NSMCE4A: variants seen among roughly 807,000 people sequenced by gnomAD.
NSMCE4A encodes the protein NSE4A component of SMC5/6 complex, also known as non-structural maintenance of chromosomes element 4 homolog A.
In NSMCE4A, 40 loss-of-function variants were observed where a neutral mutation model predicts 47.9. That is an observed-to-expected ratio of 0.83 (90% CI 0.65 to 1.09). The LOEUF is 1.09. Ranked by LOEUF, NSMCE4A falls within the 50% of genes least tolerant of loss-of-function variation. NSMCE4A has a pLI of 0.00. For synonymous variants in NSMCE4A, 166 were observed against 178.5 expected (o/e 0.93, Z 0.56); for missense variants, 500 against 507.0 (o/e 0.99, Z 0.13).
In NSMCE4A at chr10:121,971,054, T is replaced by G; in HGVS notation, c.386A>C (p.Glu129Ala). 1 of 1,612,786 alleles carries G rather than the reference T, an allele frequency of 6.2e-7. No homozygotes were observed. ...AAGAAAGTGGGCATCCAGGACTGCT[T>G]CTCTTGCTCGGGACACTATTCAAAA... ...TLFNEVSRAR[E>A]AVLDAHFLVL... is the part of the protein sequence containing the mutation. Residue 129 changes from glutamate (E) to alanine (A), a missense_variant, in exon 3 of 11, where the codon GAA becomes GCA. Glu to Ala is a moderately radical substitution (Grantham distance 107). Transcript: ENST00000369023.
intron 2 of NSMCE4A, among the ~76,000 whole-genome samples, chr10:121,973,316 G>A (rs1952753281): frequency 6.6e-6 from 1 of 152,004 alleles, no homozygotes; most frequent in African/African-American, 2.4e-5. Context: ...GGGCTGGAGG[G>A]GACAGTGGTC....
In NSMCE4A at chr10:121,960,500, C is replaced by G; in HGVS notation, c.940-94G>C. The G allele has an allele frequency of 1.2e-6, 1 of 821,580 alleles. No homozygotes were observed. The highest frequency in any genetic ancestry group is 1.9e-6 in the Non-Finnish European group (1 of 537,454). 50.9% of individuals were successfully genotyped at this position (821,580 alleles called of 1,614,324 possible). On this transcript the variant is annotated intron_variant, in intron 7 of 10. Coordinates refer to ENST00000369023, the MANE Select transcript of NSMCE4A (RefSeq NM_017615.3). The surrounding 1 kb of genome is among the most constrained non-coding windows in gnomAD (Gnocchi z 4.2). ...AAAAATTACTCAGAAAATTCAGTAT[C>G]TCAGAAAATCAAATTACACCATAGC... is the stretch of plus-strand genomic sequence containing the variant.
chr10:121,966,654 G>A (rs1409515613), intron 4 of NSMCE4A: 2 of 152,090 alleles, frequency 1.3e-5, no homozygotes, highest in Non-Finnish European at 2.9e-5. Context: ...CAATCTCAAT[G>A]GTTTTTAGAA....
intron 4 of NSMCE4A, among the ~76,000 whole-genome samples, chr10:121,965,600 C>G (rs1038204420): frequency 6.6e-6 from 1 of 152,208 alleles, no homozygotes; most frequent in Non-Finnish European, 1.5e-5. Flanking sequence ...CTTTACTCAA[C>G]CACAGATACC....
chr10:121,961,027 A>C (rs1323289053), intron 7 of NSMCE4A, among the ~76,000 whole-genome samples: 1 of 148,660 alleles, frequency 6.7e-6, no homozygotes, highest in Non-Finnish European at 1.5e-5. Context: ...CACTCTACAT[A>C]TTATTATTTA....
At chr10:121,965,125 C>T (rs903546809) in intron 5 of NSMCE4A, among the ~76,000 whole-genome samples, 161 bp downstream of exon 5, 14 of 152,118 alleles carry the variant, frequency 9.2e-5, no homozygotes, top group African/African-American at 3.4e-4. Context: ...AGCAGCCAAT[C>T]CAATAAAATG....
intron 2 of NSMCE4A, 38 bp from the exon 3 acceptor site, chr10:121,971,107 T>C (rs1564998761): frequency 6.3e-7 from 1 of 1,583,610 alleles, no homozygotes; most frequent in Admixed American, 1.7e-5. Flanking sequence ...CATTACAAAA[T>C]ACACATTATC....
At chr10:121,962,124 AAAAT>A (rs1386516199) in intron 6 of NSMCE4A, 3 of 390,726 alleles carry the variant, frequency 7.7e-6, no homozygotes, top group East Asian at 9.3e-5. Context: ...AAAAAAAAAA[AAAAT>A]AGGAACTTGG....
chr10:121,963,379 G>A (rs1415375535), intron 5 of NSMCE4A, 51 bp from the exon 6 acceptor site: 10 of 1,061,556 alleles, frequency 9.4e-6, no homozygotes, highest in Middle Eastern at 2.0e-4. Flanking sequence ...GCCTATTAAC[G>A]TTTTCTTCTC....
intron 1 of NSMCE4A, 52 bp from the exon 2 acceptor site, chr10:121,974,133 G>T: frequency 6.8e-7 from 1 of 1,480,218 alleles, no homozygotes; most frequent in Non-Finnish European, 9.3e-7. Context: ...TCACTAATAA[G>T]CAGTTGACAA....
At position 121,975,035 on chromosome 10, in the gene NSMCE4A, C is replaced by G. The variant is rs1952791695; in HGVS notation, c.131G>C (p.Arg44Pro). ...GCGCTCTGGGGCCTCTCTGCGCTCC[C>G]GCGCAGAGCCGCGGCGGGACCTGGG... ...LSPRSRRGSARERREAPERPS... is the reference protein window; with the variant it reads ...LSPRSRRGSAPERREAPERPS... The change falls in exon 1 of 11, where the codon CGG becomes CCG. Residue 44 changes from arginine to proline, a missense_variant. Transcript: ENST00000369023. 1.4e-6 allele frequency: 2 copies of G among 1,477,258 alleles called. No homozygotes were observed. Among genetic ancestry groups the G allele is most frequent in the Admixed American group, 2.5e-5 (1 of 39,292 alleles). 91.5% of individuals were successfully genotyped at this position (1,477,258 alleles called of 1,614,324 possible). A position where few individuals can be genotyped will look rare whatever the true frequency, so the allele number is the denominator to read the frequency against.
intron 6 of NSMCE4A, among the ~76,000 whole-genome samples, chr10:121,962,415 T>G (rs2134742528): frequency 6.9e-6 from 1 of 144,468 alleles, no homozygotes; most frequent in Non-Finnish European, 1.5e-5. Context: ...CGAGACTCTG[T>G]CTCAAAAAAA....
At chr10:121,968,069 T>G (rs748139809) in intron 3 of NSMCE4A, among the ~76,000 whole-genome samples, 1 of 152,224 alleles carries the variant, frequency 6.6e-6, no homozygotes, top group Non-Finnish European at 1.5e-5. Flanking sequence ...AGACCAGTGG[T>G]TCTCAACCTG....
chr10:121,963,597 ATT>A (rs34978817), intron 5 of NSMCE4A, among the ~76,000 whole-genome samples: 72 of 148,522 alleles, frequency 4.8e-4, no homozygotes, highest in Middle Eastern at 3.4e-3. Flanking sequence ...CACCTGGCTA[ATT>A]TTTTTTTTTT....
At chr10:121,963,765 A>G (rs1952548005) in intron 5 of NSMCE4A, among the ~76,000 whole-genome samples, 1 of 152,134 alleles carries the variant, frequency 6.6e-6, no homozygotes, top group South Asian at 2.1e-4. Flanking sequence ...CTGTACTCCC[A>G]GCTACTCAGG....
Position 121,959,489 on chromosome 10 carries a change from G to GC in NSMCE4A, c.1083+11dup. On this transcript the variant is annotated intron_variant, in intron 9 of 10. Transcript: ENST00000369023. The stretch of plus-strand genomic sequence containing the variant: ...AGTCAGAACTATGCAGGGGCAACAG[G>GC]CAGAGCTTTACCTCCCAGTCACGGT... The GC allele has an allele frequency of 6.2e-7, 1 of 1,612,860 alleles. No individual in the cohort carries two copies. The highest frequency in any genetic ancestry group is 8.5e-7 in the Non-Finnish European group (1 of 1,178,866).
At chr10:121,967,875 C>A (rs182239410) in intron 3 of NSMCE4A, 69 bp from the exon 4 acceptor site, 32 of 1,514,162 alleles carry the variant, frequency 2.1e-5, no homozygotes, top group Non-Finnish European at 2.8e-5. Context: ...TCCAATAATC[C>A]GCATCACTCA....
chr10:121,960,108 T>C lies in NSMCE4A; in HGVS notation c.988+250A>G. On this transcript the variant is annotated intron_variant, in intron 8 of 10. Coordinates refer to ENST00000369023, the MANE Select transcript of NSMCE4A (RefSeq NM_017615.3). This position sits in a 1 kb window ranked among gnomAD's most constrained non-coding sequence, Gnocchi z 4.2. ...GACTGCAATCACCAACTTTCTAAAT[T>C]AAGATCTGAGGGAAATTATATCATT... The C allele has an allele frequency of 2.9e-6, 1 of 345,848 alleles. No individual in the cohort carries two copies. Among genetic ancestry groups the C allele is most frequent in the Non-Finnish European group, 5.1e-6 (1 of 194,518 alleles). The allele number at this position is 345,848 out of a possible 1,614,324, so 21.4% of individuals were successfully genotyped here.
At chr10:121,970,251 T>A (rs1456959358) in intron 3 of NSMCE4A, among the ~76,000 whole-genome samples, 3 of 151,482 alleles carry the variant, frequency 2.0e-5, no homozygotes, top group Non-Finnish European at 4.4e-5. Context: ...GGCGGGCAGA[T>A]CACGAGATCA....
Sources: allele counts gnomAD v4.1 joint callset (sites outside exome capture counted in the v4.1 genomes callset), GRCh38; gene constraint gnomAD v4.1.1; non-coding constraint Gnocchi (gnomAD v3.1); transcripts MANE v1.5; gene names NCBI Gene and HGNC (gene_info 2026-07-23, HGNC 2026-07-21).